Variants in TXNRD3 observed in about 807,000 individuals in gnomAD.
The protein encoded by TXNRD3 is TXNRD3 neighbor gene protein.
TXNRD3 carries 68 observed loss-of-function variants against 78.2 expected under a neutral mutation model. That is an observed-to-expected ratio of 0.87 (90% CI 0.72 to 1.06). The LOEUF is 1.06. Ranked by LOEUF, TXNRD3 falls within the 50% of genes least tolerant of loss-of-function variation. TXNRD3 has a pLI of 0.00. For missense variants in TXNRD3, 751 were observed against 809.5 expected (o/e 0.93, Z 0.88); for synonymous variants, 296 against 300.1 (o/e 0.99, Z 0.14).
In TXNRD3 at chr3:126,608,495, C is replaced by T. The variant is rs1218777480; in HGVS notation, c.1863+4G>A. 1 of 1,525,868 alleles carries T rather than the reference C, an allele frequency of 6.6e-7. No homozygotes were observed. The highest frequency in any genetic ancestry group is 2.1e-5 in the Admixed American group (1 of 48,616). 94.5% of individuals were successfully genotyped at this position (1,525,868 alleles called of 1,614,324 possible). A position where few individuals can be genotyped will look rare whatever the true frequency, so the allele number is the denominator to read the frequency against. On this transcript the variant is annotated splice_donor_region_variant and intron_variant, in intron 15 of 15. Coordinates refer to ENST00000524230, the MANE Select transcript of TXNRD3 (RefSeq NM_052883.3). The stretch of plus-strand genomic sequence containing the variant: ...GCCAATTTTTAAAACCTCCTGTTTC[C>T]TACCTCCCCACATGTGGGGTGAATT...
intron 6 of TXNRD3, among the ~76,000 whole-genome samples, chr3:126,641,400 G>C (rs965436541): frequency 6.6e-6 from 1 of 152,076 alleles, no homozygotes; most frequent in Non-Finnish European, 1.5e-5. Context: ...CAGTCTTAAA[G>C]GTCCTACTCC....
intron 6 of TXNRD3, among the ~76,000 whole-genome samples, chr3:126,638,897 A>G (rs1221105211): frequency 6.6e-6 from 1 of 152,228 alleles, no homozygotes; most frequent in African/African-American, 2.4e-5. Context: ...AGTGCAGCAA[A>G]GCAATGTGTG....
At chr3:126,608,115 C>T (rs752046315) in intron 15 of TXNRD3, 142 bp from the exon 16 acceptor site, 3 of 619,126 alleles carry the variant, frequency 4.8e-6, no homozygotes, top group Non-Finnish European at 7.7e-6. Flanking sequence ...AATCCCAGTA[C>T]TTTGGGAGGC....
intron 13 of TXNRD3, among the ~76,000 whole-genome samples, chr3:126,612,586 G>T (rs780467422): frequency 1.3e-5 from 2 of 151,876 alleles, no homozygotes; most frequent in Non-Finnish European, 2.9e-5. Context: ...TCTCTTACCA[G>T]GTTTTAAACA....
intron 6 of TXNRD3, among the ~76,000 whole-genome samples, chr3:126,636,582 CCTGCTGTG>C (rs1938867001): frequency 6.6e-6 from 1 of 152,188 alleles, no homozygotes; most frequent in Non-Finnish European, 1.5e-5. Flanking sequence ...TCTGTGCACT[CCTGCTGTG>C]CTATCCTGGG....
rs563744352 is a variant in TXNRD3, at chr3:126,649,639, A to G, written c.244-2343T>C. On this transcript the variant is annotated intron_variant, in intron 1 of 15. Transcript: ENST00000524230. ...TGGATAAACAAAATGTGTTATATAC[A>G]TACAGTGGAATATGATTCAGTCTTT... 2.0e-5 allele frequency among the ~76,000 whole-genome samples: 3 copies of G among 152,260 alleles called. No individual in the cohort carries two copies. In the East Asian group the frequency reaches 5.8e-4, roughly 29 times the overall value.
intron 12 of TXNRD3, among the ~76,000 whole-genome samples, chr3:126,615,697 T>C (rs1376644893): frequency 6.6e-6 from 1 of 152,172 alleles, no homozygotes; most frequent in Non-Finnish European, 1.5e-5. Flanking sequence ...CCGGCTCTCC[T>C]GGAGCACAGA....
In TXNRD3 at chr3:126,644,385, A is replaced by G. The variant is rs1933180513; in HGVS notation, c.431T>C (p.Leu144Ser). Reference sequence around the variant, plus strand: ...ATCTTCCTGAAGGAGCTTCTGTAACAAACCACTCTGATATGCCTATGGTTT... The same window carrying G: ...ATCTTCCTGAAGGAGCTTCTGTAACGAACCACTCTGATATGCCTATGGTTT... The change falls in exon 4 of 16, where the codon TTG (leucine) becomes TCG (serine). Residue 144 changes from leucine to serine, a missense_variant. Transcript: ENST00000524230. The G allele has an allele frequency of 6.5e-7, 1 of 1,535,882 alleles. No individual in the cohort carries two copies. Among genetic ancestry groups the G allele is most frequent in the South Asian group, 1.2e-5 (1 of 84,056 alleles).
chr3:126,615,488 C>G, intron 12 of TXNRD3, 26 bp from the exon 13 acceptor site: 1 of 1,255,672 alleles, frequency 8.0e-7, no homozygotes, highest in Non-Finnish European at 1.1e-6. Context: ...ATTACATTGT[C>G]TTATTTTGTG....
Position 126,621,808 on chromosome 3 carries a change from G to A in TXNRD3, c.1458C>T (p.Leu486=). The change falls in exon 12 of 16, where the codon CTC becomes CTT. Residue 486 remains leucine, a synonymous_variant. Coordinates refer to ENST00000524230, the MANE Select transcript of TXNRD3 (RefSeq NM_052883.3). ...TGCCTGACTGTATGGCGACAGGAGT[G>A]AGCTCTGGCTTATCCTCCAAAATAT... 3.3e-6 allele frequency: 5 copies of A among 1,535,726 alleles called. No individual in the cohort carries two copies. The highest frequency in any genetic ancestry group is 1.2e-5 in the South Asian group (1 of 83,882).
At chr3:126,631,941 A>T in intron 7 of TXNRD3, 62 bp from the exon 8 acceptor site, 1 of 1,090,230 alleles carries the variant, frequency 9.2e-7, no homozygotes, top group Non-Finnish European at 1.3e-6. Context: ...CACCCTGGAC[A>T]AAATAGTTAC....
chr3:126,647,213 T>G (rs896975782), intron 2 of TXNRD3, 23 bp downstream of exon 2: 176 of 1,502,766 alleles, frequency 1.2e-4, no homozygotes, highest in Non-Finnish European at 1.5e-4. Context: ...TAAACAACAC[T>G]ATGTTGTAAC....
At chr3:126,644,235 G>T in intron 4 of TXNRD3, 62 bp downstream of exon 4, 1 of 1,422,958 alleles carries the variant, frequency 7.0e-7, no homozygotes, top group Non-Finnish European at 9.5e-7. Context: ...TTAAGTAGCA[G>T]AAGAAATAGC....
At chr3:126,622,643 A>G in intron 10 of TXNRD3, 103 bp from the exon 11 acceptor site, 1 of 820,518 alleles carries the variant, frequency 1.2e-6, no homozygotes, top group Non-Finnish European at 1.8e-6. Flanking sequence ...ATAATGGAAT[A>G]TTACAAACAA....
intron 1 of TXNRD3, among the ~76,000 whole-genome samples, chr3:126,653,470 G>C (rs1001343091): frequency 1.3e-5 from 2 of 152,226 alleles, no homozygotes; most frequent in African/African-American, 4.8e-5. Context: ...TGAACACACT[G>C]GACTTCATTT....
chr3:126,647,124 C>T (rs2107628335), intron 2 of TXNRD3, 112 bp downstream of exon 2: 2 of 749,042 alleles, frequency 2.7e-6, no homozygotes, highest in Admixed American at 3.3e-5. Context: ...GACAAAAATG[C>T]CTCATTTAAC....
At chr3:126,638,029 C>T (rs559490622) in intron 6 of TXNRD3, among the ~76,000 whole-genome samples, 2 of 144,702 alleles carry the variant, frequency 1.4e-5, no homozygotes, top group South Asian at 4.4e-4. Context: ...CTGCAACCTC[C>T]GCCTCCTGGG....
chr3:126,629,371 A>G lies in TXNRD3; in HGVS notation c.1290+8T>C. 2 of 1,522,070 alleles carry G rather than the reference A, an allele frequency of 1.3e-6. No homozygotes were observed. Among genetic ancestry groups the G allele is most frequent in the Non-Finnish European group, 1.8e-6 (2 of 1,138,192 alleles). 94.3% of individuals were successfully genotyped at this position (1,522,070 alleles called of 1,614,324 possible). ...CAATAACTTAGTAATGATAAAATAA[A>G]AACTCACTGTGTTATAGACTCCTTC... On this transcript the variant is annotated splice_region_variant and intron_variant, in intron 10 of 15. Transcript: ENST00000524230.
chr3:126,634,047 C>A lies in TXNRD3; in HGVS notation c.717G>T (p.Arg239Ser). ...CTTTTGTCATTGTCTCCCAGTTGTG[C>A]CTCACTAAGAAGAAATAATCAGGGT... is the stretch of plus-strand genomic sequence containing the variant. Residue 239 changes from arginine to serine, a missense_variant, in exon 7 of 16, where the codon AGG (arginine) becomes AGT (serine). Arg to Ser is a moderately radical substitution (Grantham distance 110, BLOSUM62 -1). Transcript: ENST00000524230. 6.7e-7 allele frequency: 1 copy of A among 1,494,600 alleles called. No individual in the cohort carries two copies. Among genetic ancestry groups the A allele is most frequent in the South Asian group, 1.3e-5 (1 of 76,448 alleles). The allele number at this position is 1,494,600 out of a possible 1,614,324, so 92.6% of individuals were successfully genotyped here. A position where few individuals can be genotyped will look rare whatever the true frequency, so the allele number is the denominator to read the frequency against.
Sources: gnomAD v4.1 joint callset for allele counts (sites outside exome capture counted in the v4.1 genomes callset) on GRCh38, gnomAD v4.1.1 for gene constraint, MANE v1.5 for transcripts, NCBI Gene and HGNC (gene_info 2026-07-23, HGNC 2026-07-21) for gene names.